Variants in ADA2 observed in about 807,000 individuals in gnomAD.
ADA2 encodes the protein adenosine deaminase 2, also known as adenosine deaminase CECR1.
A neutral mutation model predicts 44.2 loss-of-function variants in ADA2; 29 were observed. That is an observed-to-expected ratio of 0.66 (90% CI 0.49 to 0.89). The LOEUF is 0.89. Ranked by LOEUF, ADA2 falls within the 40% of genes least tolerant of loss-of-function variation. ADA2 has a pLI of 0.00. For missense variants in ADA2, 637 were observed against 644.8 expected, an observed-to-expected ratio of 0.99 and a Z score of 0.13; for synonymous variants, 215 against 234.9, an observed-to-expected ratio of 0.92 and a Z score of 0.77.
chr22:17,201,123 C>T (rs186731854), intron 4 of ADA2, among the ~76,000 whole-genome samples: 1 of 151,636 alleles, frequency 6.6e-6, no homozygotes, highest in East Asian at 1.9e-4. Flanking sequence ...GCACGAGAAT[C>T]GCTTGAACCT....
At position 17,199,239 on chromosome 22, in the gene ADA2, A is replaced by G. The variant is rs191714514; in HGVS notation, c.753+4324T>C. On this transcript the variant is annotated intron_variant, in intron 4 of 9. Transcript: ENST00000399837. ...GAGGACTGGAGCTGGGCAGGCCCCC[A>G]AGTCTCTCCACCTCCGGCTCTGGAA... Among the ~76,000 whole-genome samples, 637 of 152,004 alleles carry G rather than the reference A, an allele frequency of 4.2e-3. 4 individuals carry two copies. Among genetic ancestry groups the G allele is most frequent in the African/African-American group, 0.015 (611 of 41,450 alleles).
chr22:17,191,713 A>G lies in ADA2; in HGVS notation c.851T>C (p.Ile284Thr). The change falls in exon 5 of 10, where the codon ATT becomes ACT. Residue 284 changes from isoleucine to threonine, a missense_variant. Coordinates refer to ENST00000399837, the MANE Select transcript of ADA2 (RefSeq NM_001282225.2). ...QKFVETHPEF[I>T]GIKIIYSDHR... Reference sequence around the variant, plus strand: ...ATCCGAATAAATGATTTTGATTCCAATAAACTCAGGGTGAGTTTCCACAAA... The same window carrying G: ...ATCCGAATAAATGATTTTGATTCCAGTAAACTCAGGGTGAGTTTCCACAAA... 2 of 1,614,090 alleles carry G rather than the reference A, an allele frequency of 1.2e-6. No homozygotes were observed. Among genetic ancestry groups the G allele is most frequent in the Non-Finnish European group, 1.7e-6 (2 of 1,179,992 alleles).
intron 1 of ADA2, among the ~76,000 whole-genome samples, chr22:17,217,221 G>C (rs899480304): frequency 1.3e-5 from 2 of 151,174 alleles, no homozygotes; most frequent in African/African-American, 4.9e-5. Context: ...CCAAATAACA[G>C]ACATTTCAGA....
At position 17,180,861 on chromosome 22, in the gene ADA2, G is replaced by T. The variant is rs949262403; in HGVS notation, c.*622C>A. 1 of 152,440 alleles carries T rather than the reference G, an allele frequency of 6.6e-6. No individual in the cohort carries two copies. The highest frequency in any genetic ancestry group is 2.4e-5 in the African/African-American group (1 of 41,450). The allele number at this position is 152,440 out of a possible 1,614,324, so 9.4% of individuals were successfully genotyped here. On this transcript the variant is annotated 3_prime_UTR_variant, in exon 10 of 10. Coordinates refer to ENST00000399837, the MANE Select transcript of ADA2 (RefSeq NM_001282225.2). The stretch of plus-strand genomic sequence containing the variant: ...AGTTAAAGAGACCAGAATAGGCCAG[G>T]CATGGTGGCTAATGCCTGTAATTCC...
At chr22:17,218,977 T>C (rs564041692) in intron 1 of ADA2, among the ~76,000 whole-genome samples, 25 of 152,194 alleles carry the variant, frequency 1.6e-4, no homozygotes, top group East Asian at 7.7e-4. Flanking sequence ...GCCAACACGG[T>C]GAAACCCCGT....
rs1316855685 is a variant in ADA2, at chr22:17,182,741, C to A, written c.1102G>T (p.Asp368Tyr). 1.2e-6 allele frequency: 2 copies of A among 1,613,584 alleles called. No individual in the cohort carries two copies. Among genetic ancestry groups the A allele is most frequent in the South Asian group, 1.1e-5 (1 of 91,042 alleles). ...ATCAGAGCATCCAGAATGTTCCTGT[C>A]TATGGAAGTACCCTGCCAGTCTGAA... ...GETDWQGTSI[D>Y]RNILDALMLN... is the part of the protein sequence containing the mutation. The change falls in exon 8 of 10, where the codon GAC becomes TAC. Residue 368 changes from aspartate (D) to tyrosine (Y), a missense_variant. Coordinates refer to ENST00000399837, the MANE Select transcript of ADA2 (RefSeq NM_001282225.2).
chr22:17,204,582 C>T (rs1453994319), intron 3 of ADA2, among the ~76,000 whole-genome samples: 1 of 151,634 alleles, frequency 6.6e-6, no homozygotes, highest in African/African-American at 2.4e-5. Flanking sequence ...TGTACTCCAG[C>T]CTGGGCGACA....
In ADA2 at chr22:17,179,976, A is replaced by T. The variant is rs1276513976; in HGVS notation, c.*1507T>A. The T allele has an allele frequency of 6.6e-6, 1 of 152,106 alleles. No homozygotes were observed. Among genetic ancestry groups the T allele is most frequent in the Admixed American group, 6.5e-5 (1 of 15,276 alleles). The allele number at this position is 152,106 out of a possible 1,614,324, so 9.4% of individuals were successfully genotyped here. A position where few individuals can be genotyped will look rare whatever the true frequency, so the allele number is the denominator to read the frequency against. ...GAAACCCCATCTCTACTAAAAATAC[A>T]AAAATTATCCGGGCATGGTGGTGCA... On this transcript the variant is annotated 3_prime_UTR_variant, in exon 10 of 10. Transcript: ENST00000399837.
intron 4 of ADA2, among the ~76,000 whole-genome samples, chr22:17,197,145 C>G (rs2062201940): frequency 6.6e-6 from 1 of 152,170 alleles, no homozygotes; most frequent in African/African-American, 2.4e-5. Flanking sequence ...TGCACTCCAG[C>G]CTGGACGACA....
intron 1 of ADA2, among the ~76,000 whole-genome samples, chr22:17,212,734 T>C (rs1339733315): frequency 6.6e-6 from 1 of 151,596 alleles, no homozygotes; most frequent in East Asian, 1.9e-4. Flanking sequence ...CCAATACGTA[T>C]ACGAATAAAT....
intron 7 of ADA2, among the ~76,000 whole-genome samples, chr22:17,187,769 A>G (rs1360841213): frequency 6.6e-6 from 1 of 152,076 alleles, no homozygotes; most frequent in Non-Finnish European, 1.5e-5. Flanking sequence ...TGGGCTCTTC[A>G]TCTATCAAAT....
chr22:17,207,298 G>A lies in ADA2; in HGVS notation c.323-8C>T, dbSNP rs775244142. ...GGAGGTGCAAGGCAGCCCCTGGAGA[G>A]GGAAGAAGAATGGTGAAGACAAAGG... On this transcript the variant is annotated splice_region_variant and splice_polypyrimidine_tract_variant and intron_variant, in intron 2 of 9. Transcript: ENST00000399837. 5 of 1,594,486 alleles carry A rather than the reference G, an allele frequency of 3.1e-6. No homozygotes were observed. Among genetic ancestry groups the A allele is most frequent in the Admixed American group, 3.3e-5 (2 of 59,768 alleles).
chr22:17,183,454 C>CTATTTT (rs1568967612), intron 7 of ADA2, among the ~76,000 whole-genome samples: 2 of 76,138 alleles, frequency 2.6e-5, no homozygotes, highest in African/African-American at 5.8e-5. Context: ...TTTTGTGGCA[C>CTATTTT]TCTTTTTTTT....
At chr22:17,213,644 A>C in intron 1 of ADA2, 1 of 279,466 alleles carries the variant, frequency 3.6e-6, no homozygotes. Context: ...GAATGAACAA[A>C]AAGAATGAGG....
At position 17,181,552 on chromosome 22, in the gene ADA2, C is replaced by G. The variant is rs61738625; in HGVS notation, c.1467G>C (p.Glu489Asp). The change falls in exon 10 of 10, where the codon GAG (glutamate) becomes GAC (aspartate). Residue 489 changes from glutamate to aspartate, a missense_variant. Physicochemically the swap from Glu to Asp is conservative, Grantham distance 45 (BLOSUM62 2). Coordinates refer to ENST00000399837, the MANE Select transcript of ADA2 (RefSeq NM_001282225.2). ...SIKYSTLLES[E>D]KNTFMEIWKK... is the part of the protein sequence containing the mutation. ...TCCAGATTTCCATGAAAGTATTTTT[C>G]TCACTCTCCAACAGGGTACTGTACC... 9.2e-4 allele frequency: 1,479 copies of G among 1,612,710 alleles called. 1 individual carries two copies. Among genetic ancestry groups the G allele is most frequent in the Non-Finnish European group, 1.2e-3 (1,422 of 1,179,010 alleles).
chr22:17,199,833 C>T, intron 4 of ADA2: 3 of 1,195,908 alleles, frequency 2.5e-6, no homozygotes, highest in South Asian at 1.7e-5. Context: ...AATCCTAGTA[C>T]TTTGGGAGGC....
chr22:17,188,099 GAAGAA>G (rs150278520), intron 7 of ADA2, among the ~76,000 whole-genome samples: 65 of 90,294 alleles, frequency 7.2e-4, no homozygotes, highest in African/African-American at 1.7e-3. Context: ...AAAAGAAGAA[GAAGAA>G]AAGAAAACAG....
intron 3 of ADA2, among the ~76,000 whole-genome samples, chr22:17,205,414 T>G (rs2062343575): frequency 6.6e-6 from 1 of 152,108 alleles, no homozygotes; most frequent in Admixed American, 6.6e-5. Flanking sequence ...GTGCCCGGCT[T>G]GAGAAAATCA....
chr22:17,209,835 T>C, intron 1 of ADA2, 112 bp from the exon 2 acceptor site: 1 of 634,014 alleles, frequency 1.6e-6, no homozygotes, highest in East Asian at 2.7e-5. Context: ...GAAGGATTCT[T>C]CTTCCAGACC....
Sources: gnomAD v4.1 joint callset for allele counts (sites outside exome capture counted in the v4.1 genomes callset) on GRCh38, gnomAD v4.1.1 for gene constraint, MANE v1.5 for transcripts, NCBI Gene and HGNC (gene_info 2026-07-23, HGNC 2026-07-21) for gene names.